ATXN7: variants seen among roughly 807,000 people sequenced by gnomAD.
ATXN7 encodes ataxin 7.
A neutral mutation model predicts 70.5 loss-of-function variants in ATXN7; 12 were observed. The observed-to-expected ratio is 0.17, with a 90% CI of 0.11 to 0.28. ATXN7 has a LOEUF of 0.28. Ranked by LOEUF, ATXN7 falls within the 10% of genes least tolerant of loss-of-function variation. ATXN7 has a pLI of 1.00. For missense variants in ATXN7, 1,256 were observed against 1,131.7 expected (o/e 1.11, Z -1.58); for synonymous variants, 498 against 448.7 (o/e 1.11, Z -1.39).
chr3:63,870,622 A>G (rs1223841166), intron 1 of ATXN7, among the ~76,000 whole-genome samples: 1 of 152,164 alleles, frequency 6.6e-6, no homozygotes, highest in African/African-American at 2.4e-5. Context: ...ATTTTTTTAT[A>G]GAGCTTGATG....
chr3:63,888,113 C>T (rs1255476349), intron 1 of ATXN7, among the ~76,000 whole-genome samples: 2 of 152,000 alleles, frequency 1.3e-5, no homozygotes, highest in Non-Finnish European at 2.9e-5. Flanking sequence ...TCAAGATAAT[C>T]AGTAGTTGCT....
In ATXN7 at chr3:63,967,719, T is replaced by C. The variant is rs1362673081; in HGVS notation, c.500-12196T>C. On this transcript the variant is annotated intron_variant, in intron 5 of 12. Coordinates refer to ENST00000674280, the MANE Select transcript of ATXN7 (RefSeq NM_001377405.1). ...GCCAGGACGCCTTGTATGACCATAT[T>C]AGATGAAATTAGACTCCACCCCCTG... is the stretch of plus-strand genomic sequence containing the variant. 11 of 1,321,146 alleles carry C rather than the reference T, an allele frequency of 8.3e-6. No individual in the cohort carries two copies. The South Asian group carries it at 1.9e-4, about 22-fold the overall frequency. The allele number at this position is 1,321,146 out of a possible 1,614,324, so 81.8% of individuals were successfully genotyped here.
chr3:63,995,539 A>G lies in ATXN7; in HGVS notation c.1717A>G (p.Ile573Val), dbSNP rs3733124. The change falls in exon 12 of 13, where the codon ATC (isoleucine) becomes GTC (valine). Residue 573 changes from isoleucine to valine, a missense_variant. Transcript: ENST00000674280. ...ACCAGTGCCCAGTACCACCTCACCC[A>G]TCTCCACACGTATTCCTCACCGGAC... ...IPPVPSTTSP[I>V]STRIPHRTNS... The G allele has an allele frequency of 2.5e-3, 4,061 of 1,614,108 alleles. 90 individuals are homozygous for G. The Admixed American group carries it at 0.037, about 15-fold the overall frequency.
In ATXN7 at chr3:63,893,868, A is replaced by G. The variant is rs1382027030; in HGVS notation, c.-110-4531A>G. On this transcript the variant is annotated intron_variant, in intron 1 of 12. Coordinates refer to ENST00000674280, the MANE Select transcript of ATXN7 (RefSeq NM_001377405.1). ...GTTGTGTATAGAGTTTCATTCTTAA[A>G]TTTGCTTTGCCAAGGAGAAAGCCTG... is the stretch of plus-strand genomic sequence containing the variant. Among the ~76,000 whole-genome samples the G allele has an allele frequency of 5.3e-5, 8 of 152,294 alleles. No individual in the cohort carries two copies. In the East Asian group the frequency reaches 1.5e-3, roughly 29 times the overall value.
At chr3:63,912,503 C>T (rs1704069128) in intron 2 of ATXN7, 85 bp from the exon 3 acceptor site, 1 of 908,226 alleles carries the variant, frequency 1.1e-6, no homozygotes, top group Non-Finnish European at 1.3e-6. Context: ...GTCCGCGGGC[C>T]GCGCACGCCG....
intron 5 of ATXN7, 102 bp from the exon 6 acceptor site, chr3:63,979,813 C>G: frequency 6.7e-7 from 1 of 1,501,740 alleles, no homozygotes; most frequent in Non-Finnish European, 9.0e-7. Context: ...CTTAACGACA[C>G]GTGTTTTAAC....
At chr3:63,997,822 C>T in intron 12 of ATXN7, 2 of 1,453,138 alleles carry the variant, frequency 1.4e-6, no homozygotes, top group Non-Finnish European at 1.8e-6. Context: ...TAATTTTCCT[C>T]TAATATTTGG....
chr3:63,969,083 G>C (rs1327368112), intron 5 of ATXN7, among the ~76,000 whole-genome samples: 1 of 152,160 alleles, frequency 6.6e-6, no homozygotes, highest in African/African-American at 2.4e-5. Flanking sequence ...CTGGCATGCA[G>C]GTGGAGCAGA....
intron 1 of ATXN7, chr3:63,878,333 A>G (rs1365297818): frequency 2.0e-5 from 3 of 152,204 alleles, no homozygotes; most frequent in Admixed American, 1.3e-4. Context: ...TATTCTTGAC[A>G]AGTAACAGAC....
At chr3:63,911,679 A>G (rs1183303994) in intron 2 of ATXN7, 2 of 152,242 alleles carry the variant, frequency 1.3e-5, no homozygotes, top group African/African-American at 4.8e-5. Flanking sequence ...TGCTGGACGA[A>G]TTCAAGTTCC....
chr3:63,941,677 C>G (rs1274007639), intron 4 of ATXN7, among the ~76,000 whole-genome samples: 2 of 151,712 alleles, frequency 1.3e-5, no homozygotes, highest in African/African-American at 4.8e-5. Flanking sequence ...TTACGCAGGG[C>G]CAGACCTCAT....
intron 5 of ATXN7, among the ~76,000 whole-genome samples, chr3:63,953,188 A>G (rs1176814737): frequency 6.6e-6 from 1 of 152,170 alleles, no homozygotes; most frequent in Non-Finnish European, 1.5e-5. Context: ...TCTTACTACT[A>G]CAAATGCAAG....
chr3:63,962,933 C>G (rs13433909), intron 5 of ATXN7, among the ~76,000 whole-genome samples: 25,690 of 131,426 alleles, frequency 0.2, 2,586 homozygotes, highest in East Asian at 0.44. Context: ...TTTTCTTCTT[C>G]AAGACAGATT....
intron 4 of ATXN7, among the ~76,000 whole-genome samples, chr3:63,931,242 A>C (rs1310560619): frequency 6.6e-6 from 1 of 152,192 alleles, no homozygotes; most frequent in Non-Finnish European, 1.5e-5. Context: ...TCCAGCCTAC[A>C]GCAGAAGTTT....
chr3:63,979,633 C>T (rs2106751599), intron 5 of ATXN7, among the ~76,000 whole-genome samples: 1 of 152,206 alleles, frequency 6.6e-6, no homozygotes, highest in Non-Finnish European at 1.5e-5. Flanking sequence ...ACCCAAAAGG[C>T]AATATTCTCA....
chr3:63,936,866 C>G (rs1211405581), intron 4 of ATXN7, among the ~76,000 whole-genome samples: 1 of 152,104 alleles, frequency 6.6e-6, no homozygotes, highest in East Asian at 1.9e-4. Context: ...CTGGTTGGTC[C>G]GTTTTCTAGT....
chr3:63,884,662 TG>T (rs955369651), intron 1 of ATXN7, among the ~76,000 whole-genome samples: 7 of 151,732 alleles, frequency 4.6e-5, no homozygotes, highest in African/African-American at 9.7e-5. Context: ...CTTATTTTTT[TG>T]GGGGGGATCA....
chr3:63,887,868 C>T (rs1193980018), intron 1 of ATXN7, among the ~76,000 whole-genome samples: 1 of 151,348 alleles, frequency 6.6e-6, no homozygotes, highest in East Asian at 1.9e-4. Flanking sequence ...TCGCTGTCCT[C>T]AGCCTCTGTC....
At chr3:63,869,346 A>C (rs1575828529) in intron 1 of ATXN7, among the ~76,000 whole-genome samples, 1 of 152,358 alleles carries the variant, frequency 6.6e-6, no homozygotes, top group South Asian at 2.1e-4. Context: ...CCTAGTAAGT[A>C]CTCAGAAAGT....
Sources: allele counts gnomAD v4.1 joint callset (sites outside exome capture counted in the v4.1 genomes callset), GRCh38; gene constraint gnomAD v4.1.1; transcripts MANE v1.5; gene names NCBI Gene and HGNC (gene_info 2026-07-23, HGNC 2026-07-21).